Variants in KMT2C observed in about 807,000 individuals in gnomAD.
KMT2C encodes the protein histone-lysine N-methyltransferase 2C.
In KMT2C, 88 loss-of-function variants were observed where a neutral mutation model predicts 507.9. The ratio of observed to expected loss-of-function variants is 0.17; its 90% CI spans 0.15 to 0.21. The LOEUF is 0.21. Ranked by LOEUF, KMT2C falls within the 10% of genes least tolerant of loss-of-function variation. KMT2C has a pLI of 1.00. For missense variants in KMT2C, 4,954 were observed against 5,957.8 expected (o/e 0.83, Z 5.55); for synonymous variants, 2,049 against 2,080.8 (o/e 0.98, Z 0.42).
rs2093263244 is a variant in KMT2C at position 152,177,670 on chromosome 7, G to A, written c.7783C>T (p.Pro2595Ser). The A allele has an allele frequency of 6.2e-7, 1 of 1,614,032 alleles. No individual in the cohort carries two copies. The highest frequency in any genetic ancestry group is 1.1e-5 in the South Asian group (1 of 91,084). ...CTAGGGCCCGGAAAGTCTGGCCGGGGAATGAAGTTTCCATGTCTCAGATTA... is the reference window on the plus strand; with the variant it reads ...CTAGGGCCCGGAAAGTCTGGCCGGGAAATGAAGTTTCCATGTCTCAGATTA... ...SSNLRHGNFI[P>S]RPDFPGPRHT... The change falls in exon 38 of 59, where the codon CCC becomes TCC. Residue 2595 changes from proline (P) to serine (S), a missense_variant. Physicochemically the swap from Pro to Ser is moderately conservative, Grantham distance 74. This residue lies in a region of KMT2C where 1,689 missense variants were observed against 1,654.3 expected (regional missense o/e 1.02). Transcript: ENST00000262189.
At chr7:152,140,695 A>C (rs1472828243) in intron 55 of KMT2C, among the ~76,000 whole-genome samples, 2 of 152,206 alleles carry the variant, frequency 1.3e-5, no homozygotes, top group African/African-American at 4.8e-5. Flanking sequence ...ACTGCATTCT[A>C]GTCGGAATTA....
intron 49 of KMT2C, 96 bp downstream of exon 49, chr7:152,152,609 C>G (rs2091723665): frequency 7.0e-7 from 1 of 1,431,192 alleles, no homozygotes; most frequent in Non-Finnish European, 9.7e-7. Context: ...AGCATGTTAC[C>G]TGTCCGTTGT....
At chr7:152,347,242 A>G (rs1038228259) in intron 2 of KMT2C, among the ~76,000 whole-genome samples, 6 of 152,234 alleles carry the variant, frequency 3.9e-5, no homozygotes, top group African/African-American at 1.2e-4. Flanking sequence ...ATAGTGGGCA[A>G]CCTCAGCTAC....
chr7:152,266,418 T>C (rs2095859110), intron 7 of KMT2C, among the ~76,000 whole-genome samples: 2 of 152,170 alleles, frequency 1.3e-5, no homozygotes, highest in East Asian at 3.9e-4. Context: ...CTAATTTTTA[T>C]ATTTTCAGTA....
At position 152,194,010 on chromosome 7, in the gene KMT2C, C is replaced by G; in HGVS notation, c.4659G>C (p.Gln1553His). The change falls in exon 31 of 59, where the codon CAG (glutamine) becomes CAC (histidine). Residue 1553 changes from glutamine to histidine, a missense_variant and splice_region_variant. Physicochemically the swap from Gln to His is conservative, Grantham distance 24. Coordinates refer to ENST00000262189, the MANE Select transcript of KMT2C (RefSeq NM_170606.3). ...TAGAATTATAAAGTCATAACATACC[C>G]TGATTGTGTATTGGCAACAGCTGTG... ...PPTQLLPIHN[Q>H]DAFSRMPLMN... 1 of 1,549,424 alleles carries G rather than the reference C, an allele frequency of 6.5e-7. No individual in the cohort carries two copies. Among genetic ancestry groups the G allele is most frequent in the South Asian group, 1.3e-5 (1 of 78,640 alleles).
intron 1 of KMT2C, among the ~76,000 whole-genome samples, chr7:152,391,142 C>CAAAAAAAA (rs1195125465): frequency 0.018 from 621 of 34,758 alleles, 104 homozygotes; most frequent in East Asian, 0.037. Context: ...AGACTGTCTC[C>CAAAAAAAA]AAAAAAAAAA....
chr7:152,191,213 C>T (rs2093781703), intron 31 of KMT2C, among the ~76,000 whole-genome samples: 1 of 152,194 alleles, frequency 6.6e-6, no homozygotes, highest in African/African-American at 2.4e-5. Flanking sequence ...CCTTGACTAA[C>T]TGCAACTGCC....
Position 152,424,753 on chromosome 7 carries a change from T to C in KMT2C, c.161+10873A>G, listed in dbSNP as rs528791354. 3.3e-5 allele frequency among the ~76,000 whole-genome samples: 5 copies of C among 152,270 alleles called. 1 individual carries two copies. The South Asian group carries it at 6.2e-4, about 19-fold the overall frequency. On this transcript the variant is annotated intron_variant, in intron 1 of 58. Coordinates refer to ENST00000262189, the MANE Select transcript of KMT2C (RefSeq NM_170606.3). ...TCGCTAATCTTACTAATCACTTTTG[T>C]GTCTGTATTCAACAGGCAAGTCAAC...
intron 23 of KMT2C, among the ~76,000 whole-genome samples, chr7:152,217,940 CA>C (rs2094628389): frequency 6.6e-6 from 1 of 152,138 alleles, no homozygotes; most frequent in East Asian, 1.9e-4. Context: ...CATTTTTTAA[CA>C]TCCTCAGAAA....
chr7:152,357,533 A>G (rs2097162287), intron 2 of KMT2C, among the ~76,000 whole-genome samples: 1 of 152,102 alleles, frequency 6.6e-6, no homozygotes, highest in Admixed American at 6.5e-5. Flanking sequence ...CTCTTGTCTT[A>G]AAAACAAACA....
At chr7:152,416,127 G>C (rs1407025837) in intron 1 of KMT2C, among the ~76,000 whole-genome samples, 1 of 151,984 alleles carries the variant, frequency 6.6e-6, no homozygotes, top group Non-Finnish European at 1.5e-5. Flanking sequence ...GGTGGCTTAT[G>C]CCTGTAATCC....
chr7:152,262,825 C>T (rs1347170262), intron 9 of KMT2C, among the ~76,000 whole-genome samples, 191 bp downstream of exon 9: 1 of 152,062 alleles, frequency 6.6e-6, no homozygotes, highest in East Asian at 1.9e-4. Flanking sequence ...CACCAGGAAA[C>T]TTTTGAGGGT....
At chr7:152,193,907 G>A (rs956455836) in intron 31 of KMT2C, 102 bp downstream of exon 31, 3 of 1,007,190 alleles carry the variant, frequency 3.0e-6, no homozygotes, top group Non-Finnish European at 4.1e-6. Flanking sequence ...TTGTATACGT[G>A]GCTACTAAAG....
At chr7:152,258,824 C>A (rs1043695315) in intron 9 of KMT2C, among the ~76,000 whole-genome samples, 2 of 152,082 alleles carry the variant, frequency 1.3e-5, no homozygotes, top group African/African-American at 4.8e-5. Context: ...CCACACCCAG[C>A]CTAGGGAGTA....
rs2129103644 is a variant in KMT2C, at chr7:152,162,277, G to A, written c.11300C>T (p.Ala3767Val). ...TTCATTCCCTGAGTCTCCTTTGGCA[G>A]CAGGGGCCCCAGCAGAATGGGGAGG... ...QSPPHSAGAPAAKGDSGNELL... is the reference protein window; with the variant it reads ...QSPPHSAGAPVAKGDSGNELL... The change falls in exon 43 of 59, where the codon GCT (alanine) becomes GTT (valine). Residue 3767 changes from alanine (A) to valine (V), a missense_variant. Physicochemically the swap from Ala to Val is moderately conservative, Grantham distance 64 (BLOSUM62 0). Around this residue, in one of 29 missense-constraint regions of KMT2C, gnomAD observed 801 missense variants for 751.2 expected, o/e 1.07. Coordinates refer to ENST00000262189, the MANE Select transcript of KMT2C (RefSeq NM_170606.3). The A allele has an allele frequency of 1.9e-6, 3 of 1,614,116 alleles. No homozygotes were observed. Among genetic ancestry groups the A allele is most frequent in the Non-Finnish European group, 2.5e-6 (3 of 1,180,000 alleles).
chr7:152,153,830 A>T (rs1358642644), intron 48 of KMT2C, among the ~76,000 whole-genome samples, 180 bp downstream of exon 48: 1 of 152,188 alleles, frequency 6.6e-6, no homozygotes, highest in Non-Finnish European at 1.5e-5. Flanking sequence ...GCTGAGACCA[A>T]TTCAATGACA....
Position 152,180,124 on chromosome 7 carries a change from C to A in KMT2C, c.7152G>T (p.Arg2384=), listed in dbSNP as rs751593664. The A allele has an allele frequency of 6.2e-7, 1 of 1,613,996 alleles. No homozygotes were observed. Among genetic ancestry groups the A allele is most frequent in the Admixed American group, 1.7e-5 (1 of 59,992 alleles). ...GGAGAATGATTTCACGTAACTTCTGCCGCTAAATGGGAAGAAACAAAAATC... is the reference window on the plus strand; with the variant it reads ...GGAGAATGATTTCACGTAACTTCTGACGCTAAATGGGAAGAAACAAAAATC... ...AQADTEKLRQ[R]QKLREIILQQ... Residue 2384 remains arginine (R), a splice_region_variant and synonymous_variant, in exon 37 of 59, where the codon CGG becomes CGT. Transcript: ENST00000262189.
chr7:152,139,359 G>A (rs549452764), intron 56 of KMT2C, 100 bp from the exon 57 acceptor site: 50 of 1,050,706 alleles, frequency 4.8e-5, no homozygotes, highest in African/African-American at 6.2e-5. Context: ...TGAACGGAAC[G>A]GCAGCCTGAT....
intron 1 of KMT2C, among the ~76,000 whole-genome samples, chr7:152,387,752 T>TGAGC (rs1261656396): frequency 3.3e-5 from 5 of 152,240 alleles, no homozygotes; most frequent in Non-Finnish European, 7.3e-5. Context: ...ATTACAGGCG[T>TGAGC]GAGCCACCGC....
Sources: gnomAD v4.1 joint callset for allele counts (sites outside exome capture counted in the v4.1 genomes callset) on GRCh38, gnomAD v4.1.1 for gene constraint, gnomAD v4.1.1 regional missense constraint, MANE v1.5 for transcripts, NCBI Gene and HGNC (gene_info 2026-07-23, HGNC 2026-07-21) for gene names.